ACBD3: variants seen among roughly 807,000 people sequenced by gnomAD.
ACBD3 encodes acyl-CoA binding domain containing 3.
In ACBD3, 30 loss-of-function variants were observed where a neutral mutation model predicts 66.9. The ratio of observed to expected loss-of-function variants is 0.45; its 90% confidence interval spans 0.34 to 0.61. The LOEUF (loss-of-function observed/expected upper bound fraction) is 0.61. Among genes scored for constraint, ACBD3 ranks in the 20% least tolerant of loss-of-function variants. The pLI is 0.02. For synonymous variants in ACBD3, 278 were observed against 259.8 expected (o/e 1.07, Z -0.68); for missense variants, 544 against 664.5 (o/e 0.82, Z 1.99).
chr1:226,147,170 G>A (rs1491001011), intron 7 of ACBD3, among the ~76,000 whole-genome samples: 1 of 152,222 alleles, frequency 6.6e-6, no homozygotes, highest in African/African-American at 2.4e-5. Context: ...GATTACAGGC[G>A]TGAGCCACCG....
At chr1:226,156,053 T>A (rs1659664752) in intron 5 of ACBD3, among the ~76,000 whole-genome samples, 1 of 152,218 alleles carries the variant, frequency 6.6e-6, no homozygotes, top group Non-Finnish European at 1.5e-5. Flanking sequence ...ACAACATACA[T>A]GTAGAAAGTG....
In ACBD3 at chr1:226,173,937, A is replaced by G. The variant is rs72759074; in HGVS notation, c.287-7937T>C. Among the ~76,000 whole-genome samples the G allele has an allele frequency of 6.8e-3, 1,026 of 150,948 alleles. 8 individuals are homozygous for G. Among genetic ancestry groups the G allele is most frequent in the Non-Finnish European group, 0.011 (719 of 67,692 alleles). Reference sequence around the variant, plus strand: ...ACTACCACACCTAGCTAATTTTTTTATTTTTAGTACAGAAGGGGTTTCACC... The same window carrying G: ...ACTACCACACCTAGCTAATTTTTTTGTTTTTAGTACAGAAGGGGTTTCACC... On this transcript the variant is annotated intron_variant, in intron 1 of 7. Coordinates refer to ENST00000366812, the MANE Select transcript of ACBD3 (RefSeq NM_022735.4).
chr1:226,181,981 A>G (rs1467470418), intron 1 of ACBD3, among the ~76,000 whole-genome samples: 2 of 152,206 alleles, frequency 1.3e-5, no homozygotes, highest in Non-Finnish European at 2.9e-5. Flanking sequence ...CTGTAATCCC[A>G]GCACTTTGAG....
chr1:226,169,279 GCT>G (rs1469485085), intron 1 of ACBD3, among the ~76,000 whole-genome samples: 3 of 150,678 alleles, frequency 2.0e-5, no homozygotes, highest in Non-Finnish European at 4.4e-5. Flanking sequence ...ACAGAGTCTC[GCT>G]CTGTCACCCA....
intron 1 of ACBD3, among the ~76,000 whole-genome samples, chr1:226,176,721 T>C (rs1250091952): frequency 7.0e-6 from 1 of 142,026 alleles, no homozygotes; most frequent in Non-Finnish European, 1.5e-5. Flanking sequence ...ACTGTGACTA[T>C]ATGAATATGA....
intron 3 of ACBD3, among the ~76,000 whole-genome samples, chr1:226,162,980 T>G (rs1659798907): frequency 6.6e-6 from 1 of 151,960 alleles, no homozygotes; most frequent in Admixed American, 6.6e-5. Context: ...TATTTTTTTT[T>G]TGTAGAGATG....
At chr1:226,146,941 G>C (rs896558002) in intron 7 of ACBD3, 120 bp from the exon 8 acceptor site, 24 of 957,040 alleles carry the variant, frequency 2.5e-5, no homozygotes, top group Non-Finnish European at 3.8e-5. Context: ...ACCCAGGATG[G>C]AGTGCAGCGG....
chr1:226,160,570 GAGGGCCT>G (rs1378055328), intron 4 of ACBD3, among the ~76,000 whole-genome samples: 1 of 152,200 alleles, frequency 6.6e-6, no homozygotes, highest in East Asian at 1.9e-4. Flanking sequence ...AAAGTTGAAT[GAGGGCCT>G]GGATTAGTTT....
intron 7 of ACBD3, among the ~76,000 whole-genome samples, chr1:226,151,025 T>C (rs957763391): frequency 2.6e-5 from 4 of 152,216 alleles, no homozygotes; most frequent in Non-Finnish European, 5.9e-5. Context: ...TTTCAAGAAA[T>C]GTATGGCACA....
intron 1 of ACBD3, among the ~76,000 whole-genome samples, chr1:226,176,724 G>C (rs947282839): frequency 6.6e-6 from 1 of 151,922 alleles, no homozygotes; most frequent in African/African-American, 2.4e-5. Flanking sequence ...GTGACTATAT[G>C]AATATGAAAA....
intron 7 of ACBD3, among the ~76,000 whole-genome samples, chr1:226,149,491 T>G (rs182974747): frequency 2.5e-3 from 360 of 144,714 alleles, no homozygotes; most frequent in African/African-American, 8.8e-3. Flanking sequence ...GCTCCCAAAG[T>G]GCTGGGATTA....
chr1:226,149,160 G>A (rs114954863), intron 7 of ACBD3, among the ~76,000 whole-genome samples: 2,219 of 152,132 alleles, frequency 0.015, 33 homozygotes, highest in Middle Eastern at 0.024. Context: ...TCTCTAATAG[G>A]CAAGCCAGGA....
rs752401225 is a variant in ACBD3, at chr1:226,154,790, G to A, written c.947C>T (p.Ser316Phe). 6.2e-7 allele frequency: 1 copy of A among 1,612,270 alleles called. No individual in the cohort carries two copies. Among genetic ancestry groups the A allele is most frequent in the Non-Finnish European group, 8.5e-7 (1 of 1,179,090 alleles). Residue 316 changes from serine to phenylalanine, a missense_variant, in exon 6 of 8, where the codon TCC becomes TTC. Physicochemically the swap from Ser to Phe is radical, Grantham distance 155. Coordinates refer to ENST00000366812, the MANE Select transcript of ACBD3 (RefSeq NM_022735.4). ...KQQEVVVAGSSLPTSSKVNAT... is the reference protein window; with the variant it reads ...KQQEVVVAGSFLPTSSKVNAT... ...ATTCACTTTTGATGATGTAGGCAAG[G>A]AAGACCCAGCCACTACTACTTCCTG...
At chr1:226,148,272 G>A (rs1199006911) in intron 7 of ACBD3, among the ~76,000 whole-genome samples, 7 of 152,170 alleles carry the variant, frequency 4.6e-5, no homozygotes, top group Non-Finnish European at 1.0e-4. Flanking sequence ...AATGTAAGAT[G>A]CTAACAACAG....
intron 1 of ACBD3, 62 bp downstream of exon 1, chr1:226,186,328 C>G (rs1427898611): frequency 6.9e-7 from 1 of 1,456,424 alleles, no homozygotes; most frequent in Admixed American, 2.5e-5. Context: ...CTGGGGACCA[C>G]AGCCCACGCC....
At chr1:226,171,217 G>A (rs879838332) in intron 1 of ACBD3, among the ~76,000 whole-genome samples, 1 of 151,072 alleles carries the variant, frequency 6.6e-6, no homozygotes. Flanking sequence ...GCACAATCTC[G>A]GCTCACTGCA....
At chr1:226,180,677 C>T (rs748656959) in intron 1 of ACBD3, among the ~76,000 whole-genome samples, 9 of 152,110 alleles carry the variant, frequency 5.9e-5, no homozygotes, top group Non-Finnish European at 1.0e-4. Flanking sequence ...AGGGAAGCCT[C>T]GGGAAAATGT....
At chr1:226,154,314 C>T (rs185810204) in intron 6 of ACBD3, among the ~76,000 whole-genome samples, 2 of 152,090 alleles carry the variant, frequency 1.3e-5, no homozygotes, top group Admixed American at 1.3e-4. Context: ...CTCAAGTGAT[C>T]TTCCTGCCTC....
At chr1:226,184,250 C>A (rs1228097917) in intron 1 of ACBD3, among the ~76,000 whole-genome samples, 1 of 152,186 alleles carries the variant, frequency 6.6e-6, no homozygotes, top group East Asian at 1.9e-4. Context: ...TTCCATAATT[C>A]TTCTGACTGC....
Sources: gnomAD v4.1 joint callset for allele counts (sites outside exome capture counted in the v4.1 genomes callset) on GRCh38, gnomAD v4.1.1 for gene constraint, MANE v1.5 for transcripts, NCBI Gene and HGNC (gene_info 2026-07-23, HGNC 2026-07-21) for gene names.